Variants in SHISA9 observed in about 807,000 individuals in gnomAD.
The protein encoded by SHISA9 is protein shisa-9.
In SHISA9, 13 loss-of-function variants were observed where a neutral mutation model predicts 38.0. That is an observed-to-expected ratio of 0.34 (90% confidence interval 0.22 to 0.54). The LOEUF (loss-of-function observed/expected upper bound fraction) is 0.54. Among genes scored for constraint, SHISA9 ranks in the 20% least tolerant of loss-of-function variants. SHISA9 has a pLI of 0.91. For missense variants in SHISA9, 538 were observed against 575.8 expected, an observed-to-expected ratio of 0.93 and a Z score of 0.67; for synonymous variants, 275 against 242.0, an observed-to-expected ratio of 1.14 and a Z score of -1.27.
At chr16:13,220,913 C>A (rs866440974) in intron 4 of SHISA9, among the ~76,000 whole-genome samples, 1 of 152,264 alleles carries the variant, frequency 6.6e-6, no homozygotes, top group South Asian at 2.1e-4. Flanking sequence ...ACAAAGGGGG[C>A]CCATGGTACA....
At chr16:12,970,442 C>CATATATGTATATATATAT (rs1567357227) in intron 2 of SHISA9, among the ~76,000 whole-genome samples, 1 of 41,100 alleles carries the variant, frequency 2.4e-5, no homozygotes, top group African/African-American at 1.1e-4. Context: ...TATATATACA[C>CATATATGTATATATATAT]ACATATATAT....
At chr16:13,554,366 A>G in the SHISA9 span, among the ~76,000 whole-genome samples, 1 of 151,834 alleles carries the variant, frequency 6.6e-6, no homozygotes, top group African/African-American at 2.4e-5. Context: ...GGATAAGGAA[A>G]CAGAGGACTT....
At chr16:13,396,249 G>A in the SHISA9 span, among the ~76,000 whole-genome samples, 2 of 152,228 alleles carry the variant, frequency 1.3e-5, no homozygotes, top group Admixed American at 6.5e-5. Flanking sequence ...GCTCACGCCT[G>A]TAATCCCAGC....
At chr16:12,995,041 A>T (rs933080159) in intron 2 of SHISA9, among the ~76,000 whole-genome samples, 1 of 152,102 alleles carries the variant, frequency 6.6e-6, no homozygotes, top group Non-Finnish European at 1.5e-5. Context: ...TATTTGGGCC[A>T]GTATTTTTTT....
chr16:13,263,576 C>A, the SHISA9 span, among the ~76,000 whole-genome samples: 1 of 152,188 alleles, frequency 6.6e-6, no homozygotes, highest in Non-Finnish European at 1.5e-5. Context: ...AGATGACCAA[C>A]ACTATGCTTC....
chr16:13,538,216 A>T, the SHISA9 span, among the ~76,000 whole-genome samples: 3 of 152,108 alleles, frequency 2.0e-5, no homozygotes, highest in African/African-American at 7.2e-5. Context: ...CCCTCTCATG[A>T]TCCCATGGCC....
chr16:13,300,176 C>T, the SHISA9 span, among the ~76,000 whole-genome samples: 1 of 152,138 alleles, frequency 6.6e-6, no homozygotes, highest in Non-Finnish European at 1.5e-5. Context: ...GGCTCTCGCT[C>T]ACTTTCCCTT....
intron 2 of SHISA9, among the ~76,000 whole-genome samples, chr16:13,035,415 G>A (rs755711344): frequency 6.6e-6 from 1 of 152,182 alleles, no homozygotes; most frequent in Non-Finnish European, 1.5e-5. Flanking sequence ...TCTGCACCCA[G>A]AATCCCATGT....
At chr16:13,430,320 C>T in the SHISA9 span, among the ~76,000 whole-genome samples, 3,358 of 152,204 alleles carry the variant, frequency 0.022, 114 homozygotes, top group African/African-American at 0.076. Context: ...ACTTTGGACG[C>T]GGAAACCATC....
At chr16:13,302,861 G>A in the SHISA9 span, among the ~76,000 whole-genome samples, 2 of 152,126 alleles carry the variant, frequency 1.3e-5, no homozygotes, top group Non-Finnish European at 2.9e-5. Flanking sequence ...TCTCATGATC[G>A]TGAGTGAGTT....
intron 2 of SHISA9, among the ~76,000 whole-genome samples, chr16:12,978,916 A>T (rs2072202975): frequency 6.6e-6 from 1 of 152,166 alleles, no homozygotes; most frequent in Non-Finnish European, 1.5e-5. Flanking sequence ...CATTTCTTTA[A>T]AATTTTCTGT....
chr16:13,465,818 C>T, the SHISA9 span, among the ~76,000 whole-genome samples: 1 of 152,190 alleles, frequency 6.6e-6, no homozygotes, highest in Non-Finnish European at 1.5e-5. Context: ...CAACTATGGC[C>T]AATGGGTCAA....
rs566236672 is a variant in SHISA9 at position 12,923,798 on chromosome 16, G to A, written c.691+6983G>A. 9.9e-5 allele frequency among the ~76,000 whole-genome samples: 15 copies of A among 151,658 alleles called. 1 individual carries two copies. The South Asian group carries it at 1.5e-3, about 15-fold the overall frequency. Reference sequence around the variant, plus strand: ...GGAGCTTGCAGTGAGCCGAGATCACGTCACTGCACCCCAGCCTGGGCAACA... The same window carrying A: ...GGAGCTTGCAGTGAGCCGAGATCACATCACTGCACCCCAGCCTGGGCAACA... On this transcript the variant is annotated intron_variant, in intron 2 of 4. Transcript: ENST00000558583.
the SHISA9 span, among the ~76,000 whole-genome samples, chr16:13,245,741 C>T: frequency 1.3e-5 from 2 of 152,152 alleles, no homozygotes; most frequent in African/African-American, 2.4e-5. Flanking sequence ...TGTGCTGTGT[C>T]ATTTTTTAAA....
intron 2 of SHISA9, among the ~76,000 whole-genome samples, chr16:13,157,116 ATCT>A (rs993615466): frequency 6.6e-6 from 1 of 151,868 alleles, no homozygotes; most frequent in Non-Finnish European, 1.5e-5. Context: ...TGTCATCTGA[ATCT>A]TCTTCTTACG....
the SHISA9 span, among the ~76,000 whole-genome samples, chr16:13,305,237 C>T: frequency 6.6e-6 from 1 of 152,180 alleles, no homozygotes; most frequent in Non-Finnish European, 1.5e-5. Context: ...TACAATCTGT[C>T]ACGTGAAGTC....
chr16:13,526,225 G>A, the SHISA9 span, among the ~76,000 whole-genome samples: 3 of 152,214 alleles, frequency 2.0e-5, no homozygotes, highest in Admixed American at 2.0e-4. Context: ...ATTCAGAAGA[G>A]AACCATCAAT....
At chr16:13,084,811 A>T (rs966261983) in intron 2 of SHISA9, among the ~76,000 whole-genome samples, 1 of 152,154 alleles carries the variant, frequency 6.6e-6, no homozygotes, top group Admixed American at 6.6e-5. Context: ...GAATGAAGAG[A>T]ACTTAATGAG....
the SHISA9 span, among the ~76,000 whole-genome samples, chr16:13,525,696 T>TC: frequency 5.9e-5 from 9 of 152,354 alleles, no homozygotes; most frequent in East Asian, 1.9e-4. Flanking sequence ...TCTGTAAAAA[T>TC]CATCATTTTC....
Sources: allele counts gnomAD v4.1 joint callset (sites outside exome capture counted in the v4.1 genomes callset), GRCh38; gene constraint gnomAD v4.1.1; transcripts MANE v1.5; gene names NCBI Gene and HGNC (gene_info 2026-07-23, HGNC 2026-07-21).